Variants in GHR observed in about 807,000 individuals in gnomAD.
GHR encodes the protein GH receptor.
GHR carries 35 observed loss-of-function variants against 67.1 expected under a neutral mutation model. The observed-to-expected ratio is 0.52, with a 90% CI of 0.40 to 0.69. The LOEUF (loss-of-function observed/expected upper bound fraction) is 0.69, where lower values mean the gene tolerates loss of function less well. GHR is among the 30% of genes least tolerant of loss of function. The pLI is 0.00. For missense variants in GHR, 792 were observed against 764.6 expected (o/e 1.04, Z -0.42); for synonymous variants, 272 against 269.1 (o/e 1.01, Z -0.10).
chr5:42,719,683 T>A lies in GHR; in HGVS notation c.*259T>A, dbSNP rs1459665275. ...GACTGTTTAGTAGCAGTGATTGTCT[T>A]AATATTGTGGGTGTTAATTTTTGAT... On this transcript the variant is annotated 3_prime_UTR_variant, in exon 10 of 10. Coordinates refer to ENST00000230882, the MANE Select transcript of GHR (RefSeq NM_000163.5). The A allele has an allele frequency of 1.1e-5, 5 of 465,266 alleles. No homozygotes were observed. Among genetic ancestry groups the A allele is most frequent in the African/African-American group, 7.9e-5 (4 of 50,782 alleles). The allele number at this position is 465,266 out of a possible 1,614,324, so 28.8% of individuals were successfully genotyped here.
chr5:42,519,107 A>G (rs1485279964), intron 1 of GHR, among the ~76,000 whole-genome samples: 1 of 152,116 alleles, frequency 6.6e-6, no homozygotes, highest in Non-Finnish European at 1.5e-5. Context: ...TCAGCAATAA[A>G]TAATATCGTA....
intron 1 of GHR, among the ~76,000 whole-genome samples, chr5:42,528,520 T>C (rs1399672106): frequency 6.6e-6 from 1 of 152,204 alleles, no homozygotes; most frequent in African/African-American, 2.4e-5. Flanking sequence ...TCACTTCTTA[T>C]GGATGAACAA....
chr5:42,641,580 G>T (rs1018149145), intron 3 of GHR, among the ~76,000 whole-genome samples: 2 of 152,102 alleles, frequency 1.3e-5, no homozygotes, highest in Non-Finnish European at 2.9e-5. Flanking sequence ...AGGGAGGGAA[G>T]GGAATATTTC....
At chr5:42,556,029 T>G (rs886207449) in intron 1 of GHR, among the ~76,000 whole-genome samples, 3 of 151,858 alleles carry the variant, frequency 2.0e-5, no homozygotes, top group African/African-American at 7.2e-5. Context: ...CCTCTAGTAA[T>G]GCCTTTCCTG....
chr5:42,494,162 A>G (rs1746226415), intron 1 of GHR, among the ~76,000 whole-genome samples: 1 of 152,196 alleles, frequency 6.6e-6, no homozygotes, highest in Non-Finnish European at 1.5e-5. Flanking sequence ...CAAAAGGAGT[A>G]ACAGAAACTA....
chr5:42,648,083 G>A (rs1754833786), intron 3 of GHR, among the ~76,000 whole-genome samples: 1 of 152,128 alleles, frequency 6.6e-6, no homozygotes, highest in African/African-American at 2.4e-5. Context: ...AGTAAAAAGA[G>A]CGTAGAAACC....
intron 1 of GHR, among the ~76,000 whole-genome samples, chr5:42,447,035 G>T (rs937801219): frequency 1.3e-5 from 2 of 152,222 alleles, no homozygotes; most frequent in African/African-American, 4.8e-5. Context: ...CAAGGGAAAT[G>T]AAGCTTTAAA....
chr5:42,637,763 A>C (rs138101840), intron 3 of GHR, among the ~76,000 whole-genome samples: 219 of 152,298 alleles, frequency 1.4e-3, no homozygotes, highest in African/African-American at 4.8e-3. Context: ...TGTGATGAAT[A>C]TATGAGTGCG....
intron 3 of GHR, among the ~76,000 whole-genome samples, chr5:42,639,402 A>ATAT (rs1754358517): frequency 6.6e-6 from 1 of 152,208 alleles, no homozygotes; most frequent in Non-Finnish European, 1.5e-5. Context: ...AGTCCTTGAC[A>ATAT]TATTCTCAAA....
chr5:42,543,763 A>G (rs1431026461), intron 1 of GHR, among the ~76,000 whole-genome samples: 2 of 152,152 alleles, frequency 1.3e-5, no homozygotes, highest in Non-Finnish European at 2.9e-5. Context: ...TTATAAAATT[A>G]TCAGTAATAA....
At chr5:42,698,317 T>C (rs1757774646) in intron 5 of GHR, among the ~76,000 whole-genome samples, 1 of 152,188 alleles carries the variant, frequency 6.6e-6, no homozygotes, top group Non-Finnish European at 1.5e-5. Flanking sequence ...ATATCCTCTA[T>C]TTTTCAAATG....
chr5:42,700,067 A>G lies in GHR; in HGVS notation c.618+65A>G, dbSNP rs1004266967. On this transcript the variant is annotated intron_variant, in intron 6 of 9. Coordinates refer to ENST00000230882, the MANE Select transcript of GHR (RefSeq NM_000163.5). ...TATTTCAACAAACTCTCTCTCATTT[A>G]TCATTAGACTTTCCTTTGACCTAAT... The G allele has an allele frequency of 4.1e-6, 4 of 967,370 alleles. No homozygotes were observed. In the Admixed American group the frequency reaches 7.6e-5, roughly 18 times the overall value. 59.9% of individuals were successfully genotyped at this position (967,370 alleles called of 1,614,324 possible).
At chr5:42,441,964 C>T (rs1291913927) in intron 1 of GHR, among the ~76,000 whole-genome samples, 3 of 152,152 alleles carry the variant, frequency 2.0e-5, no homozygotes, top group Non-Finnish European at 2.9e-5. Flanking sequence ...GGATCCAGAG[C>T]ACAGCAGGGG....
chr5:42,597,150 C>A lies in GHR; in HGVS notation c.70+31206C>A, dbSNP rs537257472. On this transcript the variant is annotated intron_variant, in intron 2 of 9. Transcript: ENST00000230882. ...TCTAGTGCCCATGGTGTAAATACTC[C>A]CAACATGACCAACTTTAAGTTACCA... is the stretch of plus-strand genomic sequence containing the variant. Among the ~76,000 whole-genome samples, 120 of 152,176 alleles carry A rather than the reference C, an allele frequency of 7.9e-4. 2 individuals are homozygous for A. The highest frequency in any genetic ancestry group is 6.8e-3 in the Middle Eastern group (2 of 294).
rs1170108471 is a variant in GHR at position 42,610,051 on chromosome 5, A to G, written c.71-18987A>G. 2.0e-5 allele frequency among the ~76,000 whole-genome samples: 3 copies of G among 152,184 alleles called. No homozygotes were observed. In the South Asian group the frequency reaches 6.2e-4, roughly 32 times the overall value. On this transcript the variant is annotated intron_variant, in intron 2 of 9. Transcript: ENST00000230882. Reference sequence around the variant, plus strand: ...CATGAAGCACAATTTTATAAGTGTGATATAGGAGTTACTCTTCTTTTTTTA... The same window carrying G: ...CATGAAGCACAATTTTATAAGTGTGGTATAGGAGTTACTCTTCTTTTTTTA...
chr5:42,518,073 T>C (rs1383300429), intron 1 of GHR, among the ~76,000 whole-genome samples: 4 of 151,438 alleles, frequency 2.6e-5, no homozygotes, highest in Admixed American at 2.6e-4. Context: ...TGTAATCCTC[T>C]TCCTTCTCTC....
chr5:42,471,784 T>C (rs944163223), intron 1 of GHR, among the ~76,000 whole-genome samples: 3 of 152,194 alleles, frequency 2.0e-5, no homozygotes, highest in African/African-American at 7.2e-5. Context: ...CTTAGGCAGC[T>C]TAGGAGTTTT....
chr5:42,474,479 A>G (rs937370623), intron 1 of GHR, among the ~76,000 whole-genome samples: 6 of 152,148 alleles, frequency 3.9e-5, no homozygotes, highest in Admixed American at 6.5e-5. Flanking sequence ...TTGGACTTCT[A>G]TAAGACACCC....
At chr5:42,635,819 A>C (rs1754150699) in intron 3 of GHR, among the ~76,000 whole-genome samples, 1 of 152,114 alleles carries the variant, frequency 6.6e-6, no homozygotes, top group Admixed American at 6.5e-5. Context: ...ACATATACTG[A>C]GGTCTTCTAT....
Sources: allele counts gnomAD v4.1 joint callset (sites outside exome capture counted in the v4.1 genomes callset), GRCh38; gene constraint gnomAD v4.1.1; transcripts MANE v1.5; gene names NCBI Gene and HGNC (gene_info 2026-07-23, HGNC 2026-07-21).